Variants in MAD1L1 observed in about 807,000 individuals in gnomAD.
MAD1L1 encodes the protein mitotic arrest deficient 1 like 1, also known as mitotic spindle assembly checkpoint protein MAD1.
In MAD1L1, 95 loss-of-function variants were observed where a neutral mutation model predicts 96.9. The observed-to-expected ratio is 0.98, with a 90% CI of 0.83 to 1.16. The LOEUF is 1.16. Among genes scored for constraint, MAD1L1 ranks in the 50% most tolerant of loss-of-function variants. The probability of loss-of-function intolerance (pLI) is 0.00; values close to 1 mark genes in which losing one functional copy is unlikely to be tolerated. For missense variants in MAD1L1, 1,007 were observed against 954.4 expected, an observed-to-expected ratio of 1.06 and a Z score of -0.73; for synonymous variants, 473 against 396.6, an observed-to-expected ratio of 1.19 and a Z score of -2.29.
intron 14 of MAD1L1, among the ~76,000 whole-genome samples, chr7:1,983,146 GCGCGCGCGCACACACACACACACACA>G (rs1335258533): frequency 2.3e-5 from 3 of 130,926 alleles, no homozygotes; most frequent in South Asian, 2.3e-4. Flanking sequence ...GCGCGCGCGC[GCGCGCGCGCACACACACACACACACA>G]CACACACACA....
chr7:2,121,536 T>C (rs1161134466), intron 11 of MAD1L1, among the ~76,000 whole-genome samples: 1 of 152,106 alleles, frequency 6.6e-6, no homozygotes, highest in Non-Finnish European at 1.5e-5. Flanking sequence ...CAGGCTTCAT[T>C]AGAAACCACA....
intron 18 of MAD1L1, among the ~76,000 whole-genome samples, chr7:1,871,388 TA>T (rs1238295889): frequency 2.2e-5 from 3 of 138,842 alleles, no homozygotes; most frequent in Middle Eastern, 4.5e-3. Flanking sequence ...GAACCCACCG[TA>T]ACACCTGCCA....
At chr7:1,901,166 T>A (rs1046784517) in intron 17 of MAD1L1, among the ~76,000 whole-genome samples, 2 of 152,192 alleles carry the variant, frequency 1.3e-5, no homozygotes, top group Non-Finnish European at 2.9e-5. Context: ...TCGGTTCAGT[T>A]TGGGGCAGAT....
chr7:2,183,623 A>C (rs1355766629), intron 10 of MAD1L1, among the ~76,000 whole-genome samples: 1 of 152,122 alleles, frequency 6.6e-6, no homozygotes, highest in Non-Finnish European at 1.5e-5. Context: ...GAAGCTGGAG[A>C]CTATCATTCT....
intron 12 of MAD1L1, among the ~76,000 whole-genome samples, chr7:2,037,600 C>A (rs988887423): frequency 1.3e-5 from 2 of 152,174 alleles, no homozygotes; most frequent in Non-Finnish European, 2.9e-5. Flanking sequence ...CACGTCCTGA[C>A]TGTACTTCCG....
intron 11 of MAD1L1, among the ~76,000 whole-genome samples, chr7:2,130,623 T>C (rs1476736674): frequency 1.4e-5 from 2 of 147,186 alleles, no homozygotes; most frequent in African/African-American, 5.4e-5. Context: ...CCTCTCAGTT[T>C]ATTATGCCAG....
chr7:2,012,980 C>G (rs1283645544), intron 13 of MAD1L1, among the ~76,000 whole-genome samples: 1 of 152,272 alleles, frequency 6.6e-6, no homozygotes, highest in Non-Finnish European at 1.5e-5. Flanking sequence ...GACGCCCATG[C>G]AGCGCAGCTC....
At chr7:1,971,729 A>G (rs1397250332) in intron 15 of MAD1L1, among the ~76,000 whole-genome samples, 1 of 152,190 alleles carries the variant, frequency 6.6e-6, no homozygotes, top group Non-Finnish European at 1.5e-5. Context: ...TAGCCTTTAA[A>G]ATGGAAGCTG....
chr7:1,873,730 C>T (rs970320027), intron 18 of MAD1L1, among the ~76,000 whole-genome samples: 16 of 152,048 alleles, frequency 1.1e-4, no homozygotes, highest in East Asian at 1.9e-4. Context: ...TGACAAGGGC[C>T]GCAGCTCACC....
chr7:1,870,337 C>A (rs1445705043), intron 18 of MAD1L1, among the ~76,000 whole-genome samples: 3 of 147,800 alleles, frequency 2.0e-5, no homozygotes, highest in Admixed American at 1.4e-4. Context: ...CCACGGTGAA[C>A]CTACCGTAAC....
chr7:1,887,664 T>C (rs150354263), intron 18 of MAD1L1, among the ~76,000 whole-genome samples: 7 of 76,240 alleles, frequency 9.2e-5, no homozygotes, highest in African/African-American at 2.1e-4. Context: ...CCTGTGCATG[T>C]GTGTGTGAGC....
chr7:1,834,812 G>C (rs1782867203), intron 18 of MAD1L1, among the ~76,000 whole-genome samples: 1 of 151,870 alleles, frequency 6.6e-6, no homozygotes, highest in Non-Finnish European at 1.5e-5. Context: ...CACTCTGTGA[G>C]ACCAACATTA....
At chr7:2,115,838 G>A (rs1350879717) in intron 11 of MAD1L1, among the ~76,000 whole-genome samples, 3 of 152,252 alleles carry the variant, frequency 2.0e-5, no homozygotes, top group African/African-American at 7.2e-5. Context: ...GGAGGGGAAC[G>A]GTGGCGGGCC....
chr7:2,121,357 G>C lies in MAD1L1; in HGVS notation c.1073+27795C>G, dbSNP rs186588374. ...GCACCTGCCAGGCACCGTGGGGACA[G>C]GCAGGGATGAGGGAGGCTGCGGATA... is the stretch of plus-strand genomic sequence containing the variant. On this transcript the variant is annotated intron_variant, in intron 11 of 18. Coordinates refer to ENST00000265854, the MANE Select transcript of MAD1L1 (RefSeq NM_001013836.2). 1.2e-4 allele frequency among the ~76,000 whole-genome samples: 19 copies of C among 152,370 alleles called. No individual in the cohort carries two copies. The East Asian group carries it at 3.7e-3, about 29-fold the overall frequency.
intron 9 of MAD1L1, among the ~76,000 whole-genome samples, chr7:2,213,635 C>G (rs1224240114): frequency 6.6e-6 from 1 of 152,224 alleles, no homozygotes; most frequent in Non-Finnish European, 1.5e-5. Context: ...CGTTAGGACT[C>G]ATCCCTCCCC....
In MAD1L1 at chr7:2,212,850, T is replaced by TA. The variant is rs567403449; in HGVS notation, c.986+361dup. Among the ~76,000 whole-genome samples, 920 of 152,366 alleles carry TA rather than the reference T, an allele frequency of 6.0e-3. 7 individuals are homozygous for TA. Among genetic ancestry groups the TA allele is most frequent in the Middle Eastern group, 0.058 (17 of 294 alleles). On this transcript the variant is annotated intron_variant, in intron 10 of 18. Coordinates refer to ENST00000265854, the MANE Select transcript of MAD1L1 (RefSeq NM_001013836.2). ...AAAAACTCAGTTCATCTCCACTGGTTACAGTTCCCTAAAATGAATGATTTC... is the reference window on the plus strand; with the variant it reads ...AAAAACTCAGTTCATCTCCACTGGTTAACAGTTCCCTAAAATGAATGATTTC...
intron 12 of MAD1L1, among the ~76,000 whole-genome samples, chr7:2,043,211 CT>C (rs765982598): frequency 3.3e-5 from 5 of 152,212 alleles, no homozygotes; most frequent in Non-Finnish European, 7.3e-5. Context: ...CTGCCACTGA[CT>C]TTCGAATGTG....
At chr7:1,894,062 G>A (rs1050749480) in intron 18 of MAD1L1, among the ~76,000 whole-genome samples, 3 of 152,220 alleles carry the variant, frequency 2.0e-5, no homozygotes, top group Non-Finnish European at 4.4e-5. Context: ...CTGAGCTGGG[G>A]GCGTGGAGCT....
chr7:1,856,878 T>G lies in MAD1L1; in HGVS notation c.1999-40650A>C, dbSNP rs114357226. Among the ~76,000 whole-genome samples the G allele has an allele frequency of 3.4e-3, 523 of 152,276 alleles. 5 individuals are homozygous for G. The highest frequency in any genetic ancestry group is 4.6e-3 in the Non-Finnish European group (312 of 68,008). On this transcript the variant is annotated intron_variant, in intron 18 of 18. Transcript: ENST00000265854. ...CACCCTGGGGGAGGGAGAGGGAGCC[T>G]GGACCTCGCTGCCTGTGTGTCCCCA...
Sources: gnomAD v4.1 joint callset for allele counts (sites outside exome capture counted in the v4.1 genomes callset) on GRCh38, gnomAD v4.1.1 for gene constraint, MANE v1.5 for transcripts, NCBI Gene and HGNC (gene_info 2026-07-23, HGNC 2026-07-21) for gene names.